Variants in TG observed in about 807,000 individuals in gnomAD.
The protein encoded by TG is thyroglobulin.
A neutral mutation model predicts 324.7 loss-of-function variants in TG; 270 were observed. The ratio of observed to expected loss-of-function variants is 0.83; its 90% CI spans 0.75 to 0.92. TG has a LOEUF of 0.92. TG is among the 40% of genes least tolerant of loss of function. The probability of loss-of-function intolerance (pLI) is 0.00; values close to 1 mark genes in which losing one functional copy is unlikely to be tolerated. For synonymous variants in TG, 1,401 were observed against 1,327.0 expected (o/e 1.06, Z -1.21); for missense variants, 3,591 against 3,456.4 (o/e 1.04, Z -0.98).
chr8:132,904,833 G>A (rs777940014), intron 16 of TG, among the ~76,000 whole-genome samples: 13 of 152,290 alleles, frequency 8.5e-5, no homozygotes, highest in African/African-American at 2.9e-4. Context: ...AAATGGGAAG[G>A]ATGCTTACAC....
Position 132,900,345 on chromosome 8 carries a change from T to C in TG, c.3433+6T>C. The C allele has an allele frequency of 1.2e-6, 2 of 1,608,554 alleles. No homozygotes were observed. Among genetic ancestry groups the C allele is most frequent in the Non-Finnish European group, 1.7e-6 (2 of 1,177,784 alleles). On this transcript the variant is annotated splice_donor_region_variant and intron_variant, in intron 15 of 47. Transcript: ENST00000220616. ...CTCGAGCAGCAGTGCCCAGTGTGAG[T>C]AGCAGCCCCTCCTGGCATGGCTTCT...
chr8:133,017,939 C>T lies in TG; in HGVS notation c.6724C>T (p.Arg2242Cys), dbSNP rs763309772. ...PYAAPPLAER[R>C]FQAPEPLNWT... ...TGCTGCCCCGCCCCTGGCAGAGAGG[C>T]GCTTCCAGGCACCAGAGCCCTTGAA... is the stretch of plus-strand genomic sequence containing the variant. The change falls in exon 38 of 48, where the codon CGC becomes TGC. Residue 2242 changes from arginine (R) to cysteine (C), a missense_variant. Arg to Cys is a radical substitution (Grantham distance 180). Coordinates refer to ENST00000220616, the MANE Select transcript of TG (RefSeq NM_003235.5). The T allele has an allele frequency of 7.4e-6, 12 of 1,614,184 alleles. No individual in the cohort carries two copies. The highest frequency in any genetic ancestry group is 1.6e-4 in the Middle Eastern group (1 of 6,062).
At chr8:132,969,034 T>C (rs930635972) in intron 31 of TG, among the ~76,000 whole-genome samples, 5 of 152,034 alleles carry the variant, frequency 3.3e-5, no homozygotes, top group Non-Finnish European at 5.9e-5. Context: ...GAGGAGAGCA[T>C]CTAGAGGCCA....
chr8:132,945,425 T>C (rs1825108140), intron 26 of TG, among the ~76,000 whole-genome samples: 1 of 152,138 alleles, frequency 6.6e-6, no homozygotes, highest in South Asian at 2.1e-4. Flanking sequence ...ATGTCCAATT[T>C]GGCGATGGGA....
chr8:132,873,190 A>G lies in TG; in HGVS notation c.607A>G (p.Met203Val). 1 of 1,614,152 alleles carries G rather than the reference A, an allele frequency of 6.2e-7. No individual in the cohort carries two copies. The highest frequency in any genetic ancestry group is 8.5e-7 in the Non-Finnish European group (1 of 1,180,012). The change falls in exon 5 of 48, where the codon ATG becomes GTG. Residue 203 changes from methionine (M) to valine (V), a missense_variant. By Grantham distance (21) the Met-to-Val change is conservative (BLOSUM62 1). Coordinates refer to ENST00000220616, the MANE Select transcript of TG (RefSeq NM_003235.5). ...CAAATTTGTCAACACCACAGACATG[A>G]TGATTTTTGATCTGGTCCACAGCTA... Reference protein sequence around the residue: ...QCKFVNTTDMMIFDLVHSYNR... With the variant: ...QCKFVNTTDMVIFDLVHSYNR...
At chr8:133,076,013 C>T (rs775393538) in intron 41 of TG, 9 of 152,104 alleles carry the variant, frequency 5.9e-5, no homozygotes, top group African/African-American at 1.7e-4. Context: ...ACTTACAGTA[C>T]GTGAGTCTCA....
chr8:132,983,541 G>A (rs1046333386), intron 35 of TG, 129 bp downstream of exon 35: 2 of 951,336 alleles, frequency 2.1e-6, no homozygotes, highest in Non-Finnish European at 3.4e-6. Context: ...CAGCTCCTAT[G>A]AATTAAACAC....
chr8:133,109,663 C>A (rs1354052338), intron 43 of TG, among the ~76,000 whole-genome samples: 1 of 152,158 alleles, frequency 6.6e-6, no homozygotes, highest in African/African-American at 2.4e-5. Flanking sequence ...TCCTTGTCCA[C>A]CCCCTCAGGA....
chr8:132,870,500 T>C (rs1286238010), intron 3 of TG, among the ~76,000 whole-genome samples: 1 of 151,238 alleles, frequency 6.6e-6, no homozygotes, highest in Non-Finnish European at 1.5e-5. Flanking sequence ...CCTTGTATGA[T>C]GTGAGGATTT....
intron 22 of TG, among the ~76,000 whole-genome samples, chr8:132,924,371 G>A (rs1301796208): frequency 6.6e-6 from 1 of 152,164 alleles, no homozygotes; most frequent in African/African-American, 2.4e-5. Context: ...ATGGCCCAGG[G>A]GTTGGGGACT....
In TG at chr8:132,888,255, C is replaced by A. The variant is rs1183384375; in HGVS notation, c.2448C>A (p.Asn816Lys). Reference sequence around the variant, plus strand: ...GCTACAGAGAAGCAGCTTCCGGAAACTTCAGTCTCTTTATTCAAAGTCTGT... The same window carrying A: ...GCTACAGAGAAGCAGCTTCCGGAAAATTCAGTCTCTTTATTCAAAGTCTGT... ...IMSYREAASGNFSLFIQSLYE... is the reference protein window; with the variant it reads ...IMSYREAASGKFSLFIQSLYE... The change falls in exon 10 of 48, where the codon AAC (asparagine) becomes AAA (lysine). Residue 816 changes from asparagine (N) to lysine (K), a missense_variant. Physicochemically the swap from Asn to Lys is moderately conservative, Grantham distance 94 (BLOSUM62 0). Transcript: ENST00000220616. 2 of 1,614,198 alleles carry A rather than the reference C, an allele frequency of 1.2e-6. No homozygotes were observed. Among genetic ancestry groups the A allele is most frequent in the Non-Finnish European group, 8.5e-7 (1 of 1,180,030 alleles).
intron 25 of TG, among the ~76,000 whole-genome samples, chr8:132,940,039 A>G (rs745729030): frequency 2.0e-5 from 3 of 152,066 alleles, no homozygotes; most frequent in Admixed American, 1.3e-4. Context: ...TCCTCATTGT[A>G]CAGATGGGAA....
chr8:132,868,855 A>G (rs1839214722), intron 2 of TG, among the ~76,000 whole-genome samples: 1 of 152,216 alleles, frequency 6.6e-6, no homozygotes, highest in Non-Finnish European at 1.5e-5. Context: ...AATCCTTTGC[A>G]ATGTGCATGC....
At chr8:132,974,315 A>G (rs915738382) in intron 34 of TG, among the ~76,000 whole-genome samples, 5 of 152,160 alleles carry the variant, frequency 3.3e-5, no homozygotes, top group Admixed American at 3.3e-4. Flanking sequence ...TTCACCCAAT[A>G]TAACCCTTTG....
chr8:133,040,039 G>A (rs1837915817), intron 41 of TG: 1 of 1,552,390 alleles, frequency 6.4e-7, no homozygotes, highest in Non-Finnish European at 8.7e-7. Context: ...GACGCAAGGT[G>A]ACAGGTGAGC....
At chr8:132,956,401 G>A (rs1826870274) in intron 27 of TG, among the ~76,000 whole-genome samples, 1 of 152,188 alleles carries the variant, frequency 6.6e-6, no homozygotes, top group Non-Finnish European at 1.5e-5. Context: ...TACCAGGCAT[G>A]AGGGGAGAGA....
intron 41 of TG, among the ~76,000 whole-genome samples, chr8:133,043,652 A>G (rs1030672381): frequency 1.2e-4 from 18 of 152,000 alleles, no homozygotes; most frequent in African/African-American, 4.4e-4. Flanking sequence ...CAAGGTGCAA[A>G]TCTGAGCTTG....
chr8:132,893,607 CG>C (rs1222894243), intron 10 of TG, 82 bp from the exon 11 acceptor site: 5 of 1,582,896 alleles, frequency 3.2e-6, no homozygotes, highest in Non-Finnish European at 4.3e-6. Context: ...TATGTGTGTG[CG>C]TGAGGGCACA....
intron 27 of TG, among the ~76,000 whole-genome samples, chr8:132,956,588 C>T (rs182169551): frequency 2.6e-5 from 4 of 152,248 alleles, no homozygotes; most frequent in Admixed American, 2.6e-4. Context: ...CATGCAACGA[C>T]GCAGAGGCCT....
Sources: allele counts gnomAD v4.1 joint callset (sites outside exome capture counted in the v4.1 genomes callset), GRCh38; gene constraint gnomAD v4.1.1; transcripts MANE v1.5; gene names NCBI Gene and HGNC (gene_info 2026-07-23, HGNC 2026-07-21).